GNA12: variants seen among roughly 807,000 people sequenced by gnomAD.
GNA12 encodes the protein guanine nucleotide-binding protein subunit alpha-12.
A neutral mutation model predicts 26.0 loss-of-function variants in GNA12; 9 were observed. The ratio of observed to expected loss-of-function variants is 0.35; its 90% CI spans 0.21 to 0.60. GNA12 has a LOEUF of 0.60. Ranked by LOEUF, GNA12 falls within the 20% of genes least tolerant of loss-of-function variation. The pLI, the probability that GNA12 is intolerant of heterozygous loss-of-function variation, is 0.78. For synonymous variants in GNA12, 264 were observed against 219.6 expected, an observed-to-expected ratio of 1.20 and a Z score of -1.79; for missense variants, 405 against 525.8, an observed-to-expected ratio of 0.77 and a Z score of 2.25.
intron 1 of GNA12, among the ~76,000 whole-genome samples, chr7:2,825,825 T>C (rs892963377): frequency 2.0e-5 from 3 of 152,114 alleles, no homozygotes; most frequent in Non-Finnish European, 4.4e-5. Context: ...AACAAGTCTT[T>C]AGAGTACGCT....
At chr7:2,803,370 G>A (rs559789802) in intron 1 of GNA12, among the ~76,000 whole-genome samples, 3 of 152,354 alleles carry the variant, frequency 2.0e-5, no homozygotes, top group African/African-American at 7.2e-5. Flanking sequence ...CAAGGTCTGA[G>A]GCTGCCTGCA....
intron 1 of GNA12, among the ~76,000 whole-genome samples, chr7:2,833,588 A>C (rs1317595199): frequency 1.3e-5 from 2 of 152,218 alleles, no homozygotes; most frequent in Non-Finnish European, 1.5e-5. Context: ...TGGCCAGAGG[A>C]GTCTCTCTGG....
intron 2 of GNA12, among the ~76,000 whole-genome samples, chr7:2,741,878 G>A (rs965904342): frequency 8.0e-5 from 12 of 150,150 alleles, no homozygotes; most frequent in Non-Finnish European, 1.2e-4. Flanking sequence ...TAATTACCAC[G>A]TATTAGACAC....
chr7:2,777,247 C>G (rs1254498781), intron 2 of GNA12, among the ~76,000 whole-genome samples: 1 of 152,142 alleles, frequency 6.6e-6, no homozygotes. Flanking sequence ...GGACTAGTAG[C>G]AGAGGGTAAC....
chr7:2,731,953 C>T lies in GNA12; in HGVS notation c.577-203G>A, dbSNP rs969795899. ...ATCAAATACTTCATTTCAAAACGAA[C>T]GGAGGCTCACCAGTCTGAGGACGAA... On this transcript the variant is annotated intron_variant, in intron 3 of 3. Transcript: ENST00000275364. This position sits in a 1 kb window ranked among gnomAD's most constrained non-coding sequence, Gnocchi z 6.0. 6.6e-6 allele frequency among the ~76,000 whole-genome samples: 1 copy of T among 152,182 alleles called. No homozygotes were observed. The highest frequency in any genetic ancestry group is 1.5e-5 in the Non-Finnish European group (1 of 68,026).
chr7:2,840,893 A>G (rs566209312), intron 1 of GNA12, among the ~76,000 whole-genome samples: 31 of 152,220 alleles, frequency 2.0e-4, no homozygotes, highest in Admixed American at 1.6e-3. Flanking sequence ...CTCTTCTCAA[A>G]GTGATCTGTT....
rs567959658 is a variant in GNA12 at position 2,730,993 on chromosome 7, G to A, written c.*188C>T. On this transcript the variant is annotated 3_prime_UTR_variant, in exon 4 of 4. Coordinates refer to ENST00000275364, the MANE Select transcript of GNA12 (RefSeq NM_007353.3). Reference sequence around the variant, plus strand: ...TCGCCCCCAGGATTCAGTAGCTAACGTGACAGTTTCCATGTCCTTTTGCCT... The same window carrying A: ...TCGCCCCCAGGATTCAGTAGCTAACATGACAGTTTCCATGTCCTTTTGCCT... 9.4e-6 allele frequency: 5 copies of A among 531,248 alleles called. 1 individual carries two copies. Among genetic ancestry groups the A allele is most frequent in the East Asian group, 8.5e-5 (3 of 35,156 alleles). The allele number at this position is 531,248 out of a possible 1,614,324, so 32.9% of individuals were successfully genotyped here.
intron 1 of GNA12, among the ~76,000 whole-genome samples, chr7:2,816,915 T>A (rs543419863): frequency 2.0e-5 from 3 of 152,200 alleles, no homozygotes; most frequent in Admixed American, 6.5e-5. Flanking sequence ...TCTGCTCCCA[T>A]CAAGTCAGTC....
intron 2 of GNA12, among the ~76,000 whole-genome samples, chr7:2,768,689 A>AAC (rs1791873040): frequency 7.3e-5 from 8 of 110,046 alleles, no homozygotes; most frequent in Admixed American, 1.9e-4. Flanking sequence ...AAACAAAACA[A>AAC]AAAAAAAAAC....
At chr7:2,745,144 A>G (rs1790705072) in intron 2 of GNA12, among the ~76,000 whole-genome samples, 1 of 152,244 alleles carries the variant, frequency 6.6e-6, no homozygotes, top group Non-Finnish European at 1.5e-5. Flanking sequence ...GCAGGCCAAC[A>G]TTCAAAATCA....
At chr7:2,843,331 G>A (rs1697786164) in intron 1 of GNA12, among the ~76,000 whole-genome samples, 1 of 152,014 alleles carries the variant, frequency 6.6e-6, no homozygotes, top group Non-Finnish European at 1.5e-5. Flanking sequence ...CACTCCCACG[G>A]TCCCCAGGCA....
rs879543315 is a variant in GNA12, at chr7:2,749,316, G to A, written c.526-15815C>T. Reference sequence around the variant, plus strand: ...GAAAATGTGCCACATATACACCATGGAATACTATGGAGCCATAAAAAATGA... The same window carrying A: ...GAAAATGTGCCACATATACACCATGAAATACTATGGAGCCATAAAAAATGA... On this transcript the variant is annotated intron_variant, in intron 2 of 3. Transcript: ENST00000275364. Among the ~76,000 whole-genome samples the A allele has an allele frequency of 1.3e-3, 204 of 152,280 alleles. 1 individual carries two copies. The highest frequency in any genetic ancestry group is 2.4e-3 in the Non-Finnish European group (165 of 68,030).
At chr7:2,834,632 C>T (rs62441400) in intron 1 of GNA12, among the ~76,000 whole-genome samples, 1 of 152,252 alleles carries the variant, frequency 6.6e-6, no homozygotes, top group African/African-American at 2.4e-5. Flanking sequence ...ATCAGCCAAA[C>T]AGTCACGCAC....
rs117012069 is a variant in GNA12 at position 2,780,558 on chromosome 7, G to C, written c.525+14370C>G. Among the ~76,000 whole-genome samples the C allele has an allele frequency of 3.6e-3, 541 of 152,226 alleles. 2 individuals carry two copies. Among genetic ancestry groups the C allele is most frequent in the Non-Finnish European group, 5.9e-3 (399 of 68,004 alleles). ...CTTGATGCTGGTATCCTTTCCAGTA[G>C]TTTTATCTCCTGTGTATGCACTCTT... is the stretch of plus-strand genomic sequence containing the variant. On this transcript the variant is annotated intron_variant, in intron 2 of 3. Transcript: ENST00000275364.
In GNA12 at chr7:2,813,538, G is replaced by C. The variant is rs1793136590; in HGVS notation, c.310-18395C>G. ...CCACAATATCTGCTATACCTCCAGA[G>C]GGAGAGGCTGGGGACATTCCGGGAG... is the stretch of plus-strand genomic sequence containing the variant. On this transcript the variant is annotated intron_variant, in intron 1 of 3. Transcript: ENST00000275364. Among the ~76,000 whole-genome samples the C allele has an allele frequency of 1.3e-5, 2 of 152,150 alleles. 1 individual carries two copies. The highest frequency in any genetic ancestry group is 4.1e-4 in the South Asian group (2 of 4,828).
Position 2,784,684 on chromosome 7 carries a change from C to A in GNA12, c.525+10244G>T, listed in dbSNP as rs186523939. Among the ~76,000 whole-genome samples, 643 of 152,172 alleles carry A rather than the reference C, an allele frequency of 4.2e-3. 7 individuals carry two copies. The highest frequency in any genetic ancestry group is 0.015 in the African/African-American group (611 of 41,502). On this transcript the variant is annotated intron_variant, in intron 2 of 3. Transcript: ENST00000275364. ...CCACAATGAGTGGCATGGATGATGA[C>A]CCTCTTCCTTCTTTCCTTCGCTTTC...
At chr7:2,755,010 G>C (rs1250429802) in intron 2 of GNA12, among the ~76,000 whole-genome samples, 1 of 152,172 alleles carries the variant, frequency 6.6e-6, no homozygotes, top group Non-Finnish European at 1.5e-5. Context: ...TACAGAGACA[G>C]TCCAGCACCC....
chr7:2,731,142 G>A lies in GNA12; in HGVS notation c.*39C>T, dbSNP rs1478932435. The A allele has an allele frequency of 1.4e-6, 2 of 1,401,406 alleles. No homozygotes were observed. Among genetic ancestry groups the A allele is most frequent in the Non-Finnish European group, 2.0e-6 (2 of 1,004,092 alleles). The allele number at this position is 1,401,406 out of a possible 1,614,324, so 86.8% of individuals were successfully genotyped here. A position where few individuals can be genotyped will look rare whatever the true frequency, so the allele number is the denominator to read the frequency against. On this transcript the variant is annotated 3_prime_UTR_variant, in exon 4 of 4. Transcript: ENST00000275364. This position sits in a 1 kb window ranked among gnomAD's most constrained non-coding sequence, Gnocchi z 6.0. ...CCCAAGAGTCTGACCGACAGCCGTGGGGGCTGCTCAACGACGACAAACCCC... is the reference window on the plus strand; with the variant it reads ...CCCAAGAGTCTGACCGACAGCCGTGAGGGCTGCTCAACGACGACAAACCCC...
chr7:2,767,142 C>G (rs1452246880), intron 2 of GNA12, among the ~76,000 whole-genome samples: 1 of 152,228 alleles, frequency 6.6e-6, no homozygotes, highest in Non-Finnish European at 1.5e-5. Context: ...AATGTTAACT[C>G]TTTTCACATA....
Sources: gnomAD v4.1 joint callset for allele counts (sites outside exome capture counted in the v4.1 genomes callset) on GRCh38, gnomAD v4.1.1 for gene constraint, Gnocchi (gnomAD v3.1) non-coding constraint, MANE v1.5 for transcripts, NCBI Gene and HGNC (gene_info 2026-07-23, HGNC 2026-07-21) for gene names.